AGPAT3: variants seen among roughly 807,000 people sequenced by gnomAD.
AGPAT3 encodes 1-acyl-sn-glycerol-3-phosphate acyltransferase gamma.
In AGPAT3, 5 loss-of-function variants were observed where a neutral mutation model predicts 47.3. The ratio of observed to expected loss-of-function variants is 0.11; its 90% CI spans 0.06 to 0.22. The LOEUF (loss-of-function observed/expected upper bound fraction) is 0.22. Ranked by LOEUF, AGPAT3 falls within the 10% of genes least tolerant of loss-of-function variation. The pLI is 1.00. For synonymous variants in AGPAT3, 212 were observed against 208.3 expected (o/e 1.02, Z -0.15); for missense variants, 315 against 493.0 (o/e 0.64, Z 3.42).
At chr21:43,902,708 A>G (rs1448588241) in intron 1 of AGPAT3, among the ~76,000 whole-genome samples, 1 of 152,220 alleles carries the variant, frequency 6.6e-6, no homozygotes, top group African/African-American at 2.4e-5. Flanking sequence ...ATTTCGACGT[A>G]TGAATTTGGA....
At chr21:43,928,087 G>C (rs957914498) in intron 2 of AGPAT3, among the ~76,000 whole-genome samples, 3 of 152,204 alleles carry the variant, frequency 2.0e-5, no homozygotes, top group Non-Finnish European at 4.4e-5. Flanking sequence ...CCAGCCGGAC[G>C]CAGCTCCCGG....
At chr21:43,943,895 G>A (rs1041320775) in intron 2 of AGPAT3, among the ~76,000 whole-genome samples, 1 of 152,220 alleles carries the variant, frequency 6.6e-6, no homozygotes, top group Non-Finnish European at 1.5e-5. Context: ...GGAACGTTCC[G>A]CCGCCTAAAC....
chr21:43,927,822 T>C (rs956684251), intron 2 of AGPAT3, among the ~76,000 whole-genome samples: 7 of 152,228 alleles, frequency 4.6e-5, no homozygotes, highest in Middle Eastern at 3.4e-3. Context: ...GAGGAGCAAA[T>C]GTGTGGGGCC....
chr21:43,904,572 G>A (rs1331472991), intron 2 of AGPAT3, among the ~76,000 whole-genome samples: 2 of 152,192 alleles, frequency 1.3e-5, no homozygotes, highest in African/African-American at 4.8e-5. Flanking sequence ...TGCTCCTGGG[G>A]GACGCGCTCC....
intron 1 of AGPAT3, among the ~76,000 whole-genome samples, chr21:43,876,070 C>A (rs2085726778): frequency 6.6e-6 from 1 of 152,188 alleles, no homozygotes; most frequent in Admixed American, 6.5e-5. Flanking sequence ...TTACAGGCAC[C>A]ATGCCCAGCC....
At chr21:43,962,244 T>C (rs547353201) in intron 3 of AGPAT3, among the ~76,000 whole-genome samples, 5 of 152,210 alleles carry the variant, frequency 3.3e-5, no homozygotes, top group East Asian at 3.9e-4. Context: ...CCTCGTGATC[T>C]GCCCACCTCG....
In AGPAT3 at chr21:43,968,555, C is replaced by T. The variant is rs373490942; in HGVS notation, c.348+440C>T. 5.3e-5 allele frequency among the ~76,000 whole-genome samples: 8 copies of T among 151,906 alleles called. 1 individual carries two copies. Among genetic ancestry groups the T allele is most frequent in the Admixed American group, 2.0e-4 (3 of 15,274 alleles). ...AGCAGGGGACTCCCTGAGGAGGTGC[C>T]GGGGAGGCCCCTGGGGTCCGAGTCC... On this transcript the variant is annotated intron_variant, in intron 4 of 9. Coordinates refer to ENST00000291572, the MANE Select transcript of AGPAT3 (RefSeq NM_020132.5).
intron 2 of AGPAT3, among the ~76,000 whole-genome samples, chr21:43,910,526 G>T (rs980632795): frequency 6.6e-6 from 1 of 152,226 alleles, no homozygotes; most frequent in Non-Finnish European, 1.5e-5. Context: ...AGTGAATTAG[G>T]TGAAGTCCTA....
At chr21:43,918,101 GT>G (rs1882883530) in intron 2 of AGPAT3, among the ~76,000 whole-genome samples, 2 of 120,254 alleles carry the variant, frequency 1.7e-5, no homozygotes, top group African/African-American at 6.3e-5. Flanking sequence ...GTGTTGTGTT[GT>G]GGGTGTTGTG....
chr21:43,899,202 G>A (rs1224710886), intron 1 of AGPAT3, among the ~76,000 whole-genome samples: 1 of 152,170 alleles, frequency 6.6e-6, no homozygotes, highest in Non-Finnish European at 1.5e-5. Flanking sequence ...AGTTTTCCCT[G>A]CCCCTTGGGG....
rs371899575 is a variant in AGPAT3 at position 43,984,681 on chromosome 21, ATTT to A, written c.*2299_*2301del. On this transcript the variant is annotated 3_prime_UTR_variant, in exon 10 of 10. Coordinates refer to ENST00000291572, the MANE Select transcript of AGPAT3 (RefSeq NM_020132.5). ...TAAAAACTACACCATGAATGTTTGA[ATTT>A]TTTTTTTTTGGGGGGGGGAGGGTGG... The A allele has an allele frequency of 1.2e-3, 155 of 125,634 alleles. 2 individuals are homozygous for A. The highest frequency in any genetic ancestry group is 4.8e-3 in the African/African-American group (149 of 30,950). The allele number at this position is 125,634 out of a possible 1,614,324, so 7.8% of individuals were successfully genotyped here. A position where few individuals can be genotyped will look rare whatever the true frequency, so the allele number is the denominator to read the frequency against.
rs1319549263 is a variant in AGPAT3 at position 43,981,985 on chromosome 21, C to T, written c.1043-319C>T. ...CTGTCACCTGTTGGGTTTGCAAGGC[C>T]GAGCTGTTAGAATGCCCCGAAGCCC... On this transcript the variant is annotated intron_variant, in intron 9 of 9. Coordinates refer to ENST00000291572, the MANE Select transcript of AGPAT3 (RefSeq NM_020132.5). The surrounding 1 kb of genome is among the most constrained non-coding windows in gnomAD (Gnocchi z 5.3). 5.9e-5 allele frequency among the ~76,000 whole-genome samples: 9 copies of T among 152,218 alleles called. No individual in the cohort carries two copies. The highest frequency in any genetic ancestry group is 9.6e-5 in the African/African-American group (4 of 41,464).
chr21:43,865,509 G>C (rs1008039292), intron 1 of AGPAT3, among the ~76,000 whole-genome samples, 164 bp downstream of exon 1: 2 of 147,614 alleles, frequency 1.4e-5, no homozygotes, highest in African/African-American at 4.9e-5. Flanking sequence ...CGCGCTCCGC[G>C]GGGCGCGGGG....
intron 3 of AGPAT3, among the ~76,000 whole-genome samples, chr21:43,962,088 C>T (rs986758909): frequency 2.0e-5 from 3 of 150,912 alleles, no homozygotes; most frequent in Non-Finnish European, 2.9e-5. Flanking sequence ...GCAAGCTCTG[C>T]CTCCTGGGTT....
chr21:43,971,481 T>C lies in AGPAT3; in HGVS notation c.758T>C (p.Met253Thr), dbSNP rs1379405508. The change falls in exon 7 of 10, where the codon ATG becomes ACG. Residue 253 changes from methionine to threonine, a missense_variant. Transcript: ENST00000291572. Reference protein sequence around the residue: ...ILYGKKYEADMCVRRFPLEDI... With the variant: ...ILYGKKYEADTCVRRFPLEDI... ...TACGGGAAGAAGTACGAGGCGGACATGTGCGTGAGGTGAGGCCAGACCCTG... is the reference window on the plus strand; with the variant it reads ...TACGGGAAGAAGTACGAGGCGGACACGTGCGTGAGGTGAGGCCAGACCCTG... 6.2e-7 allele frequency: 1 copy of C among 1,614,172 alleles called. No homozygotes were observed. Among genetic ancestry groups the C allele is most frequent in the Admixed American group, 1.7e-5 (1 of 60,022 alleles).
chr21:43,933,702 CA>C lies in AGPAT3; in HGVS notation c.-48-25931del, dbSNP rs1231219563. 6.6e-6 allele frequency among the ~76,000 whole-genome samples: 1 copy of C among 151,750 alleles called. No individual in the cohort carries two copies. The highest frequency in any genetic ancestry group is 6.6e-5 in the Admixed American group (1 of 15,198). ...AGCAGCAAATGTGGGAGGGGCAGCA[CA>C]GGGGAAAGGTGAGGGGAGAGTCAGG... On this transcript the variant is annotated intron_variant, in intron 2 of 9. Coordinates refer to ENST00000291572, the MANE Select transcript of AGPAT3 (RefSeq NM_020132.5). This position sits in a 1 kb window ranked among gnomAD's most constrained non-coding sequence, Gnocchi z 6.0.
At chr21:43,883,808 G>T (rs1340594910) in intron 1 of AGPAT3, among the ~76,000 whole-genome samples, 1 of 152,168 alleles carries the variant, frequency 6.6e-6, no homozygotes. Flanking sequence ...TGGCCAGGCT[G>T]GTCTCAAACT....
At chr21:43,905,487 C>G (rs7280101) in intron 2 of AGPAT3, among the ~76,000 whole-genome samples, 16,013 of 152,116 alleles carry the variant, frequency 0.11, 1,619 homozygotes, top group African/African-American at 0.26. Flanking sequence ...TGCGCCCGGC[C>G]TAGTGTCTCT....
chr21:43,962,003 C>CTTT (rs752287053), intron 3 of AGPAT3, among the ~76,000 whole-genome samples: 69 of 141,246 alleles, frequency 4.9e-4, no homozygotes, highest in South Asian at 3.9e-3. Context: ...TGTTTTTTCT[C>CTTT]TTTTTTTTTT....
Sources: allele counts gnomAD v4.1 joint callset (sites outside exome capture counted in the v4.1 genomes callset), GRCh38; gene constraint gnomAD v4.1.1; non-coding constraint Gnocchi (gnomAD v3.1); transcripts MANE v1.5; gene names NCBI Gene and HGNC (gene_info 2026-07-23, HGNC 2026-07-21).